The following MOXD1 variants were observed in gnomAD, a reference collection of about 807,000 sequenced individuals.
MOXD1 encodes the protein monooxygenase DBH like 1, also known as DBH-like monooxygenase protein 1.
MOXD1 carries 62 observed loss-of-function variants against 66.6 expected under a neutral mutation model. That is an observed-to-expected ratio of 0.93 (90% CI 0.76 to 1.15). The LOEUF is 1.15. Ranked by LOEUF, MOXD1 falls within the 50% of genes most tolerant of loss-of-function variation. The pLI is 0.00. For synonymous variants in MOXD1, 303 were observed against 281.9 expected, an observed-to-expected ratio of 1.07 and a Z score of -0.75; for missense variants, 847 against 754.6, an observed-to-expected ratio of 1.12 and a Z score of -1.44.
At position 132,377,477 on chromosome 6, in the gene MOXD1, C is replaced by A. The variant is rs146145483; in HGVS notation, c.265-2700G>T. ...CAAAACCATTATTTCCACAAAATATCCAGCTGGTTTGCCAATTTTCCACTC... is the reference window on the plus strand; with the variant it reads ...CAAAACCATTATTTCCACAAAATATACAGCTGGTTTGCCAATTTTCCACTC... On this transcript the variant is annotated intron_variant, in intron 1 of 11. Transcript: ENST00000367963. Among the ~76,000 whole-genome samples, 303 of 152,296 alleles carry A rather than the reference C, an allele frequency of 2.0e-3. 1 individual carries two copies. Among genetic ancestry groups the A allele is most frequent in the African/African-American group, 7.1e-3 (293 of 41,560 alleles).
Position 132,323,924 on chromosome 6 carries a change from T to C in MOXD1, c.1113+7A>G. On this transcript the variant is annotated splice_region_variant and intron_variant, in intron 7 of 11. Transcript: ENST00000367963. Reference sequence around the variant, plus strand: ...CAGAGAGCAGCTCAGACTCAGATGCTGCATACCTCTTCCAGGCACTCCAAA... The same window carrying C: ...CAGAGAGCAGCTCAGACTCAGATGCCGCATACCTCTTCCAGGCACTCCAAA... 3 of 1,599,040 alleles carry C rather than the reference T, an allele frequency of 1.9e-6. No homozygotes were observed. The South Asian group carries it at 3.4e-5, about 18-fold the overall frequency.
At chr6:132,392,089 C>T (rs913088228) in intron 1 of MOXD1, 1 of 1,249,924 alleles carries the variant, frequency 8.0e-7, no homozygotes, top group Admixed American at 2.6e-5. Context: ...TCCCTTACAG[C>T]CTTTCAATTT....
intron 1 of MOXD1, among the ~76,000 whole-genome samples, chr6:132,392,948 T>C (rs548730759): frequency 6.6e-6 from 1 of 152,342 alleles, no homozygotes; most frequent in African/African-American, 2.4e-5. Context: ...ATCTGATTTC[T>C]TAACTCCACA....
At chr6:132,387,481 C>T (rs1236676591) in intron 1 of MOXD1, among the ~76,000 whole-genome samples, 4 of 150,852 alleles carry the variant, frequency 2.7e-5, no homozygotes, top group Non-Finnish European at 5.9e-5. Context: ...GGGTGGAGCA[C>T]GGTAGCTCAC....
chr6:132,390,436 C>T (rs1421347434), intron 1 of MOXD1: 2 of 151,440 alleles, frequency 1.3e-5, no homozygotes, highest in African/African-American at 2.4e-5. Context: ...CACATCACTC[C>T]GTTTTAATTA....
At chr6:132,374,842 C>A in intron 1 of MOXD1, 65 bp from the exon 2 acceptor site, 3 of 1,435,026 alleles carry the variant, frequency 2.1e-6, no homozygotes, top group Non-Finnish European at 2.9e-6. Context: ...ATTCATAGGA[C>A]CTTTAAAGAC....
intron 4 of MOXD1, among the ~76,000 whole-genome samples, chr6:132,331,214 T>C (rs1775310449): frequency 6.6e-6 from 1 of 152,222 alleles, no homozygotes; most frequent in Admixed American, 6.5e-5. Context: ...GACAGGGCAC[T>C]GCTAAGATGT....
At chr6:132,389,198 C>G (rs188276995) in intron 1 of MOXD1, among the ~76,000 whole-genome samples, 4 of 151,252 alleles carry the variant, frequency 2.6e-5, no homozygotes, top group Admixed American at 6.6e-5. Flanking sequence ...GCCACTGTGC[C>G]CAGCCCTCAC....
intron 9 of MOXD1, among the ~76,000 whole-genome samples, chr6:132,317,165 A>G (rs1047873458): frequency 2.6e-5 from 4 of 152,174 alleles, no homozygotes; most frequent in African/African-American, 9.6e-5. Flanking sequence ...GAAACAAAGC[A>G]ACTGCCAACC....
chr6:132,388,965 A>G (rs990567371), intron 1 of MOXD1, among the ~76,000 whole-genome samples: 1 of 151,338 alleles, frequency 6.6e-6, no homozygotes, highest in African/African-American at 2.4e-5. Context: ...GATGAAAGAA[A>G]GGCTCCTAGT....
Position 132,297,952 on chromosome 6 carries a change from G to A in MOXD1, c.1512C>T (p.Thr504=). ...TGGGACTTTTGATAATGAAAGGCCA[G>A]GTCCTGAATTTAAAAGACACAGTTA... ...GVKEIYRPVT[T]WPFIIKSPKQ... is the part of the protein sequence containing the mutation. Residue 504 remains threonine (T), a synonymous_variant, in exon 11 of 12, where the codon ACC becomes ACT. Coordinates refer to ENST00000367963, the MANE Select transcript of MOXD1 (RefSeq NM_015529.4). The A allele has an allele frequency of 6.2e-7, 1 of 1,603,834 alleles. No individual in the cohort carries two copies. The highest frequency in any genetic ancestry group is 8.5e-7 in the Non-Finnish European group (1 of 1,176,892).
At chr6:132,358,519 T>C (rs1775951590) in intron 4 of MOXD1, among the ~76,000 whole-genome samples, 1 of 152,366 alleles carries the variant, frequency 6.6e-6, no homozygotes, top group Non-Finnish European at 1.5e-5. Context: ...TAAATACTTG[T>C]CTTCTAAAAT....
In MOXD1 at chr6:132,401,263, C is replaced by A; in HGVS notation, c.164G>T (p.Arg55Leu). 1.3e-6 allele frequency: 2 copies of A among 1,596,548 alleles called. No individual in the cohort carries two copies. The highest frequency in any genetic ancestry group is 1.1e-5 in the South Asian group (1 of 89,702). The change falls in exon 1 of 12, where the codon CGC becomes CTC. Residue 55 changes from arginine (R) to leucine (L), a missense_variant. Arg to Leu is a moderately radical substitution (Grantham distance 102, BLOSUM62 -2). Coordinates refer to ENST00000367963, the MANE Select transcript of MOXD1 (RefSeq NM_015529.4). ...GCCGAAGCCCACGTAGCCTGCAGTG[C>A]GCACCTGGAGGCGGAAGGCGATCTG... Reference protein sequence around the residue: ...GSQIAFRLQVRTAGYVGFGFS... With the variant: ...GSQIAFRLQVLTAGYVGFGFS...
chr6:132,317,164 C>T (rs1419627501), intron 9 of MOXD1, among the ~76,000 whole-genome samples: 1 of 152,084 alleles, frequency 6.6e-6, no homozygotes, highest in Non-Finnish European at 1.5e-5. Flanking sequence ...GGAAACAAAG[C>T]AACTGCCAAC....
intron 10 of MOXD1, among the ~76,000 whole-genome samples, chr6:132,303,829 GTGTGTGTATATATATA>G (rs1774616693): frequency 7.2e-4 from 51 of 70,610 alleles, no homozygotes; most frequent in Admixed American, 1.1e-3. Context: ...GTGTGTGTGT[GTGTGTGTATATATATA>G]TATATATATA....
At chr6:132,394,807 A>G (rs1162186101) in intron 1 of MOXD1, among the ~76,000 whole-genome samples, 1 of 152,224 alleles carries the variant, frequency 6.6e-6, no homozygotes. Context: ...CAAAGCCTAT[A>G]TAACATCATA....
At chr6:132,316,091 A>C (rs1447443149) in intron 9 of MOXD1, among the ~76,000 whole-genome samples, 2 of 152,134 alleles carry the variant, frequency 1.3e-5, no homozygotes, top group East Asian at 3.9e-4. Context: ...TCAATCAGGA[A>C]TTTTTGCAGG....
intron 6 of MOXD1, 69 bp downstream of exon 6, chr6:132,327,944 G>T: frequency 7.9e-7 from 1 of 1,260,136 alleles, no homozygotes; most frequent in Admixed American, 1.8e-5. Context: ...TTTCAACTCT[G>T]TTAAAGACTT....
At chr6:132,303,886 T>TACAC (rs1356464607) in intron 10 of MOXD1, among the ~76,000 whole-genome samples, 12 of 84,940 alleles carry the variant, frequency 1.4e-4, no homozygotes, top group African/African-American at 8.1e-4. Flanking sequence ...TATACATATA[T>TACAC]ACATAAAACC....
Sources: allele counts gnomAD v4.1 joint callset (sites outside exome capture counted in the v4.1 genomes callset), GRCh38; gene constraint gnomAD v4.1.1; transcripts MANE v1.5; gene names NCBI Gene and HGNC (gene_info 2026-07-23, HGNC 2026-07-21).